Variants in CHST11 observed in about 807,000 individuals in gnomAD.
CHST11 encodes C4S-1.
Under a neutral mutation model 30.4 loss-of-function variants are expected in CHST11, and 9 were observed. That is an observed-to-expected ratio of 0.30 (90% CI 0.18 to 0.52). The LOEUF (loss-of-function observed/expected upper bound fraction) is 0.52. Among genes scored for constraint, CHST11 ranks in the 20% least tolerant of loss-of-function variants. CHST11 has a pLI of 0.97. For synonymous variants in CHST11, 152 were observed against 187.8 expected (o/e 0.81, Z 1.56); for missense variants, 348 against 460.6 (o/e 0.76, Z 2.24).
intron 1 of CHST11, among the ~76,000 whole-genome samples, chr12:104,599,012 G>T (rs1352031708): frequency 6.6e-6 from 1 of 151,736 alleles, no homozygotes; most frequent in Non-Finnish European, 1.5e-5. Context: ...AGGGAGGCGC[G>T]GAGGGGTTAT....
At chr12:104,512,948 A>C (rs1057318417) in intron 1 of CHST11, among the ~76,000 whole-genome samples, 5 of 152,068 alleles carry the variant, frequency 3.3e-5, no homozygotes, top group African/African-American at 1.2e-4. Context: ...TGCCTTAAAA[A>C]TTCCCCAGCA....
intron 1 of CHST11, among the ~76,000 whole-genome samples, chr12:104,577,277 T>C (rs1317583512): frequency 8.6e-6 from 1 of 115,800 alleles, no homozygotes; most frequent in Non-Finnish European, 1.7e-5. Flanking sequence ...TTTAAGAAAA[T>C]GGTAAAATAC....
At chr12:104,701,032 C>A (rs897532730) in intron 2 of CHST11, among the ~76,000 whole-genome samples, 1 of 152,216 alleles carries the variant, frequency 6.6e-6, no homozygotes, top group East Asian at 1.9e-4. Context: ...TGCTTGAACC[C>A]CATAGGAGCT....
intron 1 of CHST11, among the ~76,000 whole-genome samples, chr12:104,539,122 C>A (rs1393765917): frequency 6.6e-6 from 1 of 152,198 alleles, no homozygotes; most frequent in Non-Finnish European, 1.5e-5. Flanking sequence ...TATCTGCTAA[C>A]CGTTCTTCCC....
chr12:104,499,912 G>A (rs1252365238), intron 1 of CHST11, among the ~76,000 whole-genome samples: 1 of 152,160 alleles, frequency 6.6e-6, no homozygotes, highest in Non-Finnish European at 1.5e-5. Flanking sequence ...GGCTCAGTGG[G>A]GGAAGTGCTC....
intron 1 of CHST11, among the ~76,000 whole-genome samples, chr12:104,577,166 TA>T (rs1182716815): frequency 6.7e-6 from 1 of 150,292 alleles, no homozygotes; most frequent in African/African-American, 2.4e-5. Flanking sequence ...GTGCTGGAAA[TA>T]TCTGCCTGAC....
chr12:104,702,560 G>T (rs1566044753), intron 2 of CHST11, among the ~76,000 whole-genome samples: 1 of 152,120 alleles, frequency 6.6e-6, no homozygotes, highest in African/African-American at 2.4e-5. Context: ...GACATGGGAG[G>T]ACTGCACCCA....
chr12:104,697,542 TG>T (rs1055502374), intron 2 of CHST11, among the ~76,000 whole-genome samples: 8 of 152,194 alleles, frequency 5.3e-5, no homozygotes, highest in Non-Finnish European at 1.2e-4. Flanking sequence ...TGACATATCA[TG>T]GGACTTCACA....
intron 1 of CHST11, among the ~76,000 whole-genome samples, chr12:104,497,887 G>A (rs1372124325): frequency 6.7e-6 from 1 of 148,506 alleles, no homozygotes. Flanking sequence ...CCCTGCATGT[G>A]CTGAGTATCT....
intron 2 of CHST11, among the ~76,000 whole-genome samples, chr12:104,656,118 C>T (rs76890463): frequency 0.018 from 2,804 of 152,298 alleles, 64 homozygotes; most frequent in African/African-American, 0.051. Flanking sequence ...CAATTCTTTG[C>T]GTAGAACTAT....
chr12:104,673,792 C>T (rs1006511152), intron 2 of CHST11, among the ~76,000 whole-genome samples: 8 of 152,220 alleles, frequency 5.3e-5, no homozygotes, highest in African/African-American at 1.9e-4. Context: ...TCCTTAACCT[C>T]TCTGAGTCTG....
At position 104,738,396 on chromosome 12, in the gene CHST11, T is replaced by G. The variant is rs555742854; in HGVS notation, c.205-18553T>G. Among the ~76,000 whole-genome samples, 29 of 152,306 alleles carry G rather than the reference T, an allele frequency of 1.9e-4. No individual in the cohort carries two copies. In the South Asian group the frequency reaches 4.8e-3, roughly 25 times the overall value. On this transcript the variant is annotated intron_variant, in intron 2 of 2. Coordinates refer to ENST00000303694, the MANE Select transcript of CHST11 (RefSeq NM_018413.6). ...CCTCTGTGGGCTTTGCATGAATACT[T>G]CTTTCTTGGGAAAATCATTCCCTGC...
chr12:104,614,942 A>T (rs990365370), intron 2 of CHST11, among the ~76,000 whole-genome samples: 2 of 152,198 alleles, frequency 1.3e-5, no homozygotes, highest in African/African-American at 2.4e-5. Context: ...AGAGAGGATA[A>T]GCAGGCCAAA....
At chr12:104,457,629 C>T (rs576437416) in intron 1 of CHST11, 100 bp downstream of exon 1, 88 of 884,518 alleles carry the variant, frequency 9.9e-5, no homozygotes, top group Non-Finnish European at 1.5e-4. Flanking sequence ...TACCTCTCCG[C>T]CTTCGGCCTC....
At chr12:104,530,632 T>G (rs1234518276) in intron 1 of CHST11, among the ~76,000 whole-genome samples, 2 of 152,258 alleles carry the variant, frequency 1.3e-5, no homozygotes, top group African/African-American at 4.8e-5. Context: ...TCTTGAAATG[T>G]AGGTTAAGCA....
chr12:104,585,786 G>A (rs557451528), intron 1 of CHST11, among the ~76,000 whole-genome samples: 6 of 152,188 alleles, frequency 3.9e-5, no homozygotes, highest in Non-Finnish European at 8.8e-5. Flanking sequence ...CAGCAGGGCC[G>A]TGTTCCCTCT....
intron 1 of CHST11, among the ~76,000 whole-genome samples, chr12:104,556,683 G>A (rs768186864): frequency 5.3e-5 from 8 of 152,118 alleles, no homozygotes; most frequent in Non-Finnish European, 1.2e-4. Context: ...TCTGTATTCA[G>A]ATTTCCCTCT....
intron 2 of CHST11, among the ~76,000 whole-genome samples, chr12:104,685,788 C>T (rs535186546): frequency 6.6e-6 from 1 of 152,310 alleles, no homozygotes; most frequent in African/African-American, 2.4e-5. Context: ...CAGCTCCTGG[C>T]ACTGCTGGTG....
chr12:104,488,189 A>C (rs2037702123), intron 1 of CHST11, among the ~76,000 whole-genome samples: 2 of 151,860 alleles, frequency 1.3e-5, no homozygotes, highest in Admixed American at 6.6e-5. Flanking sequence ...AGGGCTTCTG[A>C]GAATTGGCTT....
Sources: gnomAD v4.1 joint callset for allele counts (sites outside exome capture counted in the v4.1 genomes callset) on GRCh38, gnomAD v4.1.1 for gene constraint, MANE v1.5 for transcripts, NCBI Gene and HGNC (gene_info 2026-07-23, HGNC 2026-07-21) for gene names.